LMTK2: variants seen among roughly 807,000 people sequenced by gnomAD.
The protein encoded by LMTK2 is lemur tail kinase 2, also known as serine/threonine-protein kinase LMTK2.
In LMTK2, 37 loss-of-function variants were observed where a neutral mutation model predicts 127.5. The observed-to-expected ratio is 0.29, with a 90% CI of 0.22 to 0.38. The LOEUF is 0.38. Ranked by LOEUF, LMTK2 falls within the 10% of genes least tolerant of loss-of-function variation. The pLI, the probability that LMTK2 is intolerant of heterozygous loss-of-function variation, is 1.00. For synonymous variants in LMTK2, 819 were observed against 810.1 expected, an observed-to-expected ratio of 1.01 and a Z score of -0.19; for missense variants, 1,694 against 1,920.3, an observed-to-expected ratio of 0.88 and a Z score of 2.20.
At chr7:98,122,070 A>G (rs1796369651) in intron 1 of LMTK2, among the ~76,000 whole-genome samples, 1 of 152,242 alleles carries the variant, frequency 6.6e-6, no homozygotes, top group Admixed American at 6.5e-5. Flanking sequence ...TATACCATTT[A>G]ATTAAAGGTA....
In LMTK2 at chr7:98,171,857, C is replaced by A. The variant is rs930551355; in HGVS notation, c.791+183C>A. Among the ~76,000 whole-genome samples, 1 of 152,236 alleles carries A rather than the reference C, an allele frequency of 6.6e-6. No individual in the cohort carries two copies. The highest frequency in any genetic ancestry group is 1.5e-5 in the Non-Finnish European group (1 of 68,036). On this transcript the variant is annotated intron_variant, in intron 7 of 13. Transcript: ENST00000297293. The surrounding 1 kb of genome is among the most constrained non-coding windows in gnomAD (Gnocchi z 5.1). Reference sequence around the variant, plus strand: ...GGGTTGAGTTGGGCTTCATTGAAACCAGTACCAGGGAATAAGATGTCTTAA... The same window carrying A: ...GGGTTGAGTTGGGCTTCATTGAAACAAGTACCAGGGAATAAGATGTCTTAA...
At chr7:98,188,603 T>G (rs1562919136) in intron 9 of LMTK2, among the ~76,000 whole-genome samples, 1 of 152,194 alleles carries the variant, frequency 6.6e-6, no homozygotes, top group Admixed American at 6.5e-5. Context: ...CAACCCTCCT[T>G]CATTTCCGAA....
chr7:98,202,891 T>C (rs1797723207), intron 11 of LMTK2, among the ~76,000 whole-genome samples: 1 of 152,168 alleles, frequency 6.6e-6, no homozygotes, highest in Non-Finnish European at 1.5e-5. Context: ...AGCTAGAAAG[T>C]TGAGGCTTTA....
chr7:98,162,357 A>G (rs1797029032), intron 6 of LMTK2, among the ~76,000 whole-genome samples: 1 of 152,224 alleles, frequency 6.6e-6, no homozygotes, highest in African/African-American at 2.4e-5. Flanking sequence ...TCTGTTCTTT[A>G]ACTCAGCATC....
rs747283665 is a variant in LMTK2 at position 98,194,491 on chromosome 7, C to A, written c.4026C>A (p.Pro1342=). 1 of 1,613,774 alleles carries A rather than the reference C, an allele frequency of 6.2e-7. No homozygotes were observed. The highest frequency in any genetic ancestry group is 1.3e-5 in the African/African-American group (1 of 75,044). The change falls in exon 11 of 14, where the codon CCC becomes CCA. Residue 1342 remains proline, a synonymous_variant. Coordinates refer to ENST00000297293, the MANE Select transcript of LMTK2 (RefSeq NM_014916.4). This position sits in a 1 kb window ranked among gnomAD's most constrained non-coding sequence, Gnocchi z 5.4. ...TGAAGCCCACAGCGGCCAATGCCCC[C>A]GACCCACTGCCCGAGGACTGGAAGA... is the stretch of plus-strand genomic sequence containing the variant. The part of the protein sequence containing the change: ...SLLKPTAANA[P]DPLPEDWKKE...
At chr7:98,152,709 C>T (rs569764753) in intron 4 of LMTK2, among the ~76,000 whole-genome samples, 2 of 152,088 alleles carry the variant, frequency 1.3e-5, no homozygotes, top group East Asian at 1.9e-4. Context: ...CTGCCTTGCT[C>T]GGAATGAAAC....
intron 7 of LMTK2, among the ~76,000 whole-genome samples, chr7:98,183,832 A>C (rs1797388723): frequency 6.6e-6 from 1 of 152,106 alleles, no homozygotes; most frequent in Non-Finnish European, 1.5e-5. Context: ...ACCATGCCCA[A>C]GTGGGTTTCT....
rs376672389 is a variant in LMTK2 at position 98,193,609 on chromosome 7, C to A, written c.3144C>A (p.Pro1048=). Residue 1048 remains proline (P), a synonymous_variant, in exon 11 of 14, where the codon CCC becomes CCA. Coordinates refer to ENST00000297293, the MANE Select transcript of LMTK2 (RefSeq NM_014916.4). The surrounding 1 kb of genome is among the most constrained non-coding windows in gnomAD (Gnocchi z 4.1). ...CCGAGTGGACCTTGCATCCCGCTCC[C>A]GAGGGCACCGCAGACTCAGAACCAG... ...ESPEWTLHPA[P]EGTADSEPAT... 5 of 1,613,962 alleles carry A rather than the reference C, an allele frequency of 3.1e-6. No homozygotes were observed. Among genetic ancestry groups the A allele is most frequent in the Non-Finnish European group, 4.2e-6 (5 of 1,180,020 alleles).
At chr7:98,122,712 GTGTGTGTGTGTGTGTA>G (rs1562896859) in intron 1 of LMTK2, among the ~76,000 whole-genome samples, 1 of 5,434 alleles carries the variant, frequency 1.8e-4, no homozygotes, top group African/African-American at 2.3e-4. Context: ...GTGTGTGTGT[GTGTGTGTGTGTGTGTA>G]TATATATAAC....
intron 11 of LMTK2, among the ~76,000 whole-genome samples, chr7:98,196,376 G>A (rs980963272): frequency 7.9e-5 from 12 of 152,166 alleles, no homozygotes; most frequent in African/African-American, 2.9e-4. Flanking sequence ...AGAGTGGAAG[G>A]GAGAAGGGAT....
rs1172100163 is a variant in LMTK2, at chr7:98,140,138, CTTTCTTTTCT to C, written c.232-1231_232-1222del. On this transcript the variant is annotated intron_variant, in intron 2 of 13. Coordinates refer to ENST00000297293, the MANE Select transcript of LMTK2 (RefSeq NM_014916.4). The stretch of plus-strand genomic sequence containing the variant: ...TCTTTCTTTCTTTCTTTCTTTCTTT[CTTTCTTTTCT>C]TTTCTTTTCTTTTCTTTTCTTTTCT... 9.5e-3 allele frequency among the ~76,000 whole-genome samples: 41 copies of C among 4,334 alleles called. 1 individual carries two copies. Among genetic ancestry groups the C allele is most frequent in the African/African-American group, 0.016 (37 of 2,300 alleles). 2.8% of individuals were successfully genotyped at this position (4,334 alleles called of 152,430 possible). A position where few individuals can be genotyped will look rare whatever the true frequency, so the allele number is the denominator to read the frequency against.
chr7:98,176,849 T>A (rs1041175645), intron 7 of LMTK2, among the ~76,000 whole-genome samples: 2 of 152,066 alleles, frequency 1.3e-5, no homozygotes, highest in African/African-American at 2.4e-5. Flanking sequence ...TCCATCTCAA[T>A]AATAATAATG....
rs199903450 is a variant in LMTK2, at chr7:98,191,758, G to A, written c.1293G>A (p.Pro431=). 1.1e-4 allele frequency: 175 copies of A among 1,614,138 alleles called. No homozygotes were observed. In the African/African-American group the frequency reaches 1.6e-3, roughly 15 times the overall value. ...DFEQQWNALK[P]NTNSRDSSNN... ...AACAGCAGTGGAACGCTCTGAAGCCGAACACAAACAGCAGAGACTCCTCCA... is the reference window on the plus strand; with the variant it reads ...AACAGCAGTGGAACGCTCTGAAGCCAAACACAAACAGCAGAGACTCCTCCA... The change falls in exon 11 of 14, where the codon CCG becomes CCA. Residue 431 remains proline, a synonymous_variant. Transcript: ENST00000297293.
chr7:98,185,587 A>G (rs549838119), intron 8 of LMTK2, among the ~76,000 whole-genome samples: 1 of 152,262 alleles, frequency 6.6e-6, no homozygotes, highest in African/African-American at 2.4e-5. Context: ...ATAAGTGAAG[A>G]AGTCAATGAA....
rs1367908052 is a variant in LMTK2, at chr7:98,193,846, C to T, written c.3381C>T (p.Ala1127=). ...SEEVPGTSPS[A]LVLVQEQPLP... ...AGGTCCCGGGAACCTCCCCATCCGC[C>T]TTGGTGTTGGTACAGGAGCAGCCCC... The change falls in exon 11 of 14, where the codon GCC becomes GCT. Residue 1127 remains alanine (A), a synonymous_variant. Transcript: ENST00000297293. This position sits in a 1 kb window ranked among gnomAD's most constrained non-coding sequence, Gnocchi z 4.1. 2 of 1,614,080 alleles carry T rather than the reference C, an allele frequency of 1.2e-6. No individual in the cohort carries two copies. Among genetic ancestry groups the T allele is most frequent in the Non-Finnish European group, 8.5e-7 (1 of 1,180,034 alleles).
chr7:98,196,872 GAA>G (rs1317669935), intron 11 of LMTK2, among the ~76,000 whole-genome samples: 5 of 152,228 alleles, frequency 3.3e-5, no homozygotes, highest in Non-Finnish European at 5.9e-5. Flanking sequence ...AGGGCCAGAA[GAA>G]AATGAGGAAG....
Position 98,194,270 on chromosome 7 carries a change from C to A in LMTK2, c.3805C>A (p.Leu1269Ile), listed in dbSNP as rs36084122. The A allele has an allele frequency of 4.7e-4, 766 of 1,614,034 alleles. No homozygotes were observed. Among genetic ancestry groups the A allele is most frequent in the Non-Finnish European group, 6.0e-4 (712 of 1,180,044 alleles). Residue 1269 changes from leucine (L) to isoleucine (I), a missense_variant, in exon 11 of 14, where the codon CTC becomes ATC. Leu to Ile is a conservative substitution (Grantham distance 5). This residue lies in a region of LMTK2 where 554 missense variants were observed against 567.7 expected (regional missense o/e 0.98). Transcript: ENST00000297293. This position sits in a 1 kb window ranked among gnomAD's most constrained non-coding sequence, Gnocchi z 5.4. The stretch of plus-strand genomic sequence containing the variant: ...CATCGAAGGGAAGTACCTGGGGAAA[C>A]TCGGGGTGTCAGGGATGCTCGACCT... ...PDIEGKYLGK[L>I]GVSGMLDLSE... is the part of the protein sequence containing the mutation.
chr7:98,141,728 C>A (rs903766559), intron 3 of LMTK2, among the ~76,000 whole-genome samples, 187 bp downstream of exon 3: 1 of 152,202 alleles, frequency 6.6e-6, no homozygotes, highest in Non-Finnish European at 1.5e-5. Flanking sequence ...TTGTCTTCTG[C>A]TTTCTGGACC....
At position 98,157,251 on chromosome 7, in the gene LMTK2, CGGTAGGTAGGTAGGTA is replaced by C. The variant is rs60034734; in HGVS notation, c.570-2053_570-2038del. 9.7e-3 allele frequency among the ~76,000 whole-genome samples: 1,381 copies of C among 142,036 alleles called. 20 individuals are homozygous for C. Among genetic ancestry groups the C allele is most frequent in the African/African-American group, 0.03 (1,138 of 37,874 alleles). The allele number at this position is 142,036 out of a possible 152,430, so 93.2% of individuals were successfully genotyped here. A position where few individuals can be genotyped will look rare whatever the true frequency, so the allele number is the denominator to read the frequency against. The stretch of plus-strand genomic sequence containing the variant: ...TGGATGACAGAGTGAGACCCTGTCT[CGGTAGGTAGGTAGGTA>C]GGTAGGTAGGTAGGTAGGTAGGTAG... On this transcript the variant is annotated intron_variant, in intron 5 of 13. Transcript: ENST00000297293.
Sources: allele counts gnomAD v4.1 joint callset (sites outside exome capture counted in the v4.1 genomes callset), GRCh38; gene constraint gnomAD v4.1.1; regional missense constraint gnomAD v4.1.1; non-coding constraint Gnocchi (gnomAD v3.1); transcripts MANE v1.5; gene names NCBI Gene and HGNC (gene_info 2026-07-23, HGNC 2026-07-21).